The following TM7SF3 variants were observed in gnomAD, a reference collection of about 807,000 sequenced individuals.
TM7SF3 encodes seven span transmembrane protein.
Under a neutral mutation model 65.5 loss-of-function variants are expected in TM7SF3, and 60 were observed. That is an observed-to-expected ratio of 0.92 (90% CI 0.74 to 1.14). The LOEUF is 1.14. Among genes scored for constraint, TM7SF3 ranks in the 50% most tolerant of loss-of-function variants. The pLI is 0.00. For synonymous variants in TM7SF3, 264 were observed against 259.6 expected (o/e 1.02, Z -0.16); for missense variants, 623 against 684.8 (o/e 0.91, Z 1.01).
intron 6 of TM7SF3, among the ~76,000 whole-genome samples, chr12:26,985,678 T>TACAC (rs551151393): frequency 6.4e-5 from 7 of 108,542 alleles, no homozygotes; most frequent in African/African-American, 2.3e-4. Context: ...TATATATATA[T>TACAC]ACACACACAC....
intron 6 of TM7SF3, chr12:26,983,471 C>A: frequency 2.5e-6 from 1 of 402,962 alleles, no homozygotes; most frequent in Non-Finnish European, 5.1e-6. Context: ...TTTTTAAGTG[C>A]TTATCTTTAA....
intron 5 of TM7SF3, among the ~76,000 whole-genome samples, chr12:26,994,555 C>T (rs1237411116): frequency 6.6e-6 from 1 of 152,216 alleles, no homozygotes; most frequent in Non-Finnish European, 1.5e-5. Context: ...CCATGTTGGA[C>T]AGGCTGGTCT....
chr12:26,982,749 T>C (rs2136388429), intron 7 of TM7SF3, 24 bp downstream of exon 7: 1 of 1,552,274 alleles, frequency 6.4e-7, no homozygotes, highest in Non-Finnish European at 8.8e-7. Context: ...AAAATGGAAA[T>C]AGCAACTACA....
intron 3 of TM7SF3, among the ~76,000 whole-genome samples, chr12:26,997,711 T>A (rs1002079924): frequency 9.2e-5 from 14 of 152,064 alleles, no homozygotes; most frequent in African/African-American, 3.1e-4. Context: ...ATCCCTGTTG[T>A]GCCACTAAAG....
At chr12:26,997,972 C>T (rs1196778946) in intron 3 of TM7SF3, among the ~76,000 whole-genome samples, 1 of 151,598 alleles carries the variant, frequency 6.6e-6, no homozygotes, top group Non-Finnish European at 1.5e-5. Flanking sequence ...ATTGTAGGCA[C>T]CTGCCACCAC....
chr12:26,982,833 T>C lies in TM7SF3; in HGVS notation c.895A>G (p.Thr299Ala). The C allele has an allele frequency of 6.2e-7, 1 of 1,607,276 alleles. No homozygotes were observed. The highest frequency in any genetic ancestry group is 8.5e-7 in the Non-Finnish European group (1 of 1,177,892). ...AAGAAACCAAGCAGGGCAAAAAGAG[T>C]GAAGAACACTTTGGAAGACACTCTT... Reference protein sequence around the residue: ...LGRVSSKVFFTLFALLGFFIC... With the variant: ...LGRVSSKVFFALFALLGFFIC... Residue 299 changes from threonine to alanine, a missense_variant, in exon 7 of 12, where the codon ACT (threonine) becomes GCT (alanine). Transcript: ENST00000343028.
At chr12:26,997,974 T>C (rs1439695367) in intron 3 of TM7SF3, among the ~76,000 whole-genome samples, 1 of 151,686 alleles carries the variant, frequency 6.6e-6, no homozygotes. Flanking sequence ...TGTAGGCACC[T>C]GCCACCACAC....
At chr12:27,012,774 C>T (rs1245217231) in intron 1 of TM7SF3, 1 of 454,598 alleles carries the variant, frequency 2.2e-6, no homozygotes, top group East Asian at 7.0e-5. Context: ...CCAAGGCGGG[C>T]AGATCACGAG....
Position 27,003,262 on chromosome 12 carries a change from G to GT in TM7SF3, c.219_220insA (p.Gln74ThrfsTer29). On this transcript the variant is annotated frameshift_variant, in exon 2 of 12. Transcript: ENST00000343028. LOFTEE classifies it high-confidence loss of function. ...GGAGAAAAGGAAACAGTTGTATTCT[G>GT]ATACTGTGAGTGTATTTGGAAAATA... 1.2e-6 allele frequency: 2 copies of GT among 1,611,852 alleles called. No individual in the cohort carries two copies. Among genetic ancestry groups the GT allele is most frequent in the Non-Finnish European group, 1.7e-6 (2 of 1,178,680 alleles).
chr12:26,975,722 C>A, intron 10 of TM7SF3, 64 bp from the exon 11 acceptor site: 1 of 1,531,802 alleles, frequency 6.5e-7, no homozygotes, highest in South Asian at 1.2e-5. Flanking sequence ...TATAACTCTC[C>A]ACTGGCTTCA....
chr12:26,976,456 A>T (rs1939570449), intron 9 of TM7SF3, 99 bp from the exon 10 acceptor site: 1 of 726,150 alleles, frequency 1.4e-6, no homozygotes, highest in Non-Finnish European at 2.4e-6. Context: ...AAAGCCTTAA[A>T]GTAACAACCA....
At chr12:26,974,294 C>A in intron 11 of TM7SF3, 67 bp from the exon 12 acceptor site, 1 of 1,483,972 alleles carries the variant, frequency 6.7e-7, no homozygotes, top group South Asian at 1.3e-5. Context: ...ATAATACAAC[C>A]CTTCATGGAC....
intron 9 of TM7SF3, chr12:26,978,575 G>C (rs1364345530): frequency 6.6e-6 from 1 of 152,002 alleles, no homozygotes; most frequent in African/African-American, 2.4e-5. Flanking sequence ...TGGTTTTTGT[G>C]GTCTTTTTGT....
chr12:26,979,520 T>C, intron 9 of TM7SF3: 1 of 397,350 alleles, frequency 2.5e-6, no homozygotes, highest in Non-Finnish European at 4.6e-6. Context: ...CTCCATTATT[T>C]CTAATAAACA....
chr12:27,006,829 A>C (rs1263214132), intron 1 of TM7SF3, among the ~76,000 whole-genome samples: 1 of 152,246 alleles, frequency 6.6e-6, no homozygotes, highest in Non-Finnish European at 1.5e-5. Context: ...CATTCTGGGT[A>C]TGTACCATAA....
intron 9 of TM7SF3, among the ~76,000 whole-genome samples, chr12:26,977,741 G>A (rs1014081573): frequency 2.6e-5 from 4 of 151,404 alleles, no homozygotes; most frequent in African/African-American, 9.7e-5. Context: ...GAGACAGAGT[G>A]AGACTCCGTC....
intron 7 of TM7SF3, among the ~76,000 whole-genome samples, chr12:26,980,957 T>C (rs1311041600): frequency 1.3e-5 from 2 of 152,262 alleles, no homozygotes; most frequent in Non-Finnish European, 2.9e-5. Context: ...AATATATTTA[T>C]GTTTTCTGCT....
At chr12:26,982,050 T>C (rs1046638917) in intron 7 of TM7SF3, among the ~76,000 whole-genome samples, 1 of 152,032 alleles carries the variant, frequency 6.6e-6, no homozygotes, top group African/African-American at 2.4e-5. Context: ...TTTTTTTTTC[T>C]TGAGACAGGA....
At chr12:26,994,580 C>G (rs1940511348) in intron 5 of TM7SF3, among the ~76,000 whole-genome samples, 1 of 152,232 alleles carries the variant, frequency 6.6e-6, no homozygotes, top group East Asian at 1.9e-4. Flanking sequence ...CTCCTGACCT[C>G]AGGTGATCCA....
Sources: allele counts gnomAD v4.1 joint callset (sites outside exome capture counted in the v4.1 genomes callset), GRCh38; gene constraint gnomAD v4.1.1; transcripts MANE v1.5; gene names NCBI Gene and HGNC (gene_info 2026-07-23, HGNC 2026-07-21).